Variants in C1QTNF1 observed in about 807,000 individuals in gnomAD.
C1QTNF1 encodes complement C1q tumor necrosis factor-related protein 1.
Under a neutral mutation model 27.8 loss-of-function variants are expected in C1QTNF1, and 22 were observed. The ratio of observed to expected loss-of-function variants is 0.79; its 90% CI spans 0.56 to 1.13. The LOEUF (loss-of-function observed/expected upper bound fraction) is 1.13, where lower values mean the gene tolerates loss of function less well. C1QTNF1 is among the 50% of genes most tolerant of loss of function. The probability of loss-of-function intolerance (pLI) is 0.00; values close to 1 mark genes in which losing one functional copy is unlikely to be tolerated. For synonymous variants in C1QTNF1, 166 were observed against 154.3 expected, an observed-to-expected ratio of 1.08 and a Z score of -0.56; for missense variants, 373 against 380.2, an observed-to-expected ratio of 0.98 and a Z score of 0.16.
chr17:79,037,725 G>A (rs1197156411), intron 1 of C1QTNF1, among the ~76,000 whole-genome samples: 1 of 152,168 alleles, frequency 6.6e-6, no homozygotes, highest in African/African-American at 2.4e-5. Context: ...CTAGAGTGCA[G>A]TGGTGCGATC....
At chr17:79,030,316 GTT>G (rs1491506352) in intron 1 of C1QTNF1, among the ~76,000 whole-genome samples, 31 of 133,530 alleles carry the variant, frequency 2.3e-4, no homozygotes, top group East Asian at 2.1e-3. Flanking sequence ...GGTCTTTGTG[GTT>G]TTGTGTGTGT....
At position 79,047,953 on chromosome 17, in the gene C1QTNF1, G is replaced by T. The variant is rs2072640779; in HGVS notation, c.711G>T (p.Met237Ile). ...DRSIMQSQSL[M>I]LELREQDQVW... ...GCATCATGCAAAGCCAGAGCCTGAT[G>T]CTGGAGCTGCGAGAGCAGGACCAGG... Residue 237 changes from methionine to isoleucine, a missense_variant, in exon 4 of 4, where the codon ATG (methionine) becomes ATT (isoleucine). Met to Ile is a conservative substitution (Grantham distance 10, BLOSUM62 1). Transcript: ENST00000579760. 1 of 1,613,974 alleles carries T rather than the reference G, an allele frequency of 6.2e-7. No individual in the cohort carries two copies. Among genetic ancestry groups the T allele is most frequent in the East Asian group, 2.2e-5 (1 of 44,876 alleles).
chr17:79,042,859 G>A (rs555492007), intron 1 of C1QTNF1, among the ~76,000 whole-genome samples: 10 of 152,358 alleles, frequency 6.6e-5, no homozygotes, highest in Non-Finnish European at 1.2e-4. Flanking sequence ...ACATGTGAGC[G>A]CATGTGTGCA....
At chr17:79,028,595 G>C (rs947311683) in intron 1 of C1QTNF1, among the ~76,000 whole-genome samples, 43 of 152,208 alleles carry the variant, frequency 2.8e-4, no homozygotes, top group African/African-American at 9.9e-4. Context: ...ATTCAGGGGA[G>C]CCCCCTCCTC....
chr17:79,045,606 G>A (rs576783168), intron 2 of C1QTNF1, among the ~76,000 whole-genome samples: 10 of 152,306 alleles, frequency 6.6e-5, no homozygotes, highest in East Asian at 1.9e-4. Context: ...GGGGGTTGGC[G>A]GAGGGAGTCG....
intron 1 of C1QTNF1, chr17:79,041,879 G>A (rs56714624): frequency 6.6e-6 from 1 of 151,884 alleles, no homozygotes. Flanking sequence ...TGAGTAAGAC[G>A]TCGCGGTCAT....
chr17:79,043,556 T>C, intron 1 of C1QTNF1: 1 of 434,596 alleles, frequency 2.3e-6, no homozygotes, highest in Non-Finnish European at 4.6e-6. Flanking sequence ...AGACTGTGCA[T>C]GTGTATTGTG....
upstream of C1QTNF1, among the ~76,000 whole-genome samples, chr17:79,023,704 GCACA>G (rs5822269): frequency 8.8e-3 from 1,272 of 144,592 alleles, 7 homozygotes; most frequent in Non-Finnish European, 0.012. Context: ...GCGCGCGCGC[GCACA>G]CACACACACA....
intron 1 of C1QTNF1, chr17:79,024,780 A>G (rs1249688196): frequency 6.6e-6 from 1 of 152,306 alleles, no homozygotes; most frequent in African/African-American, 2.4e-5. Context: ...GCACGTGGAT[A>G]CTAACGGGAG....
intron 1 of C1QTNF1, among the ~76,000 whole-genome samples, chr17:79,039,632 G>A (rs2072349503): frequency 1.3e-5 from 2 of 151,392 alleles, no homozygotes; most frequent in South Asian, 4.2e-4. Flanking sequence ...CAGCCTGGGT[G>A]ACAGAGCGAG....
Position 79,048,131 on chromosome 17 carries a change from C to G in C1QTNF1, c.*43C>G, listed in dbSNP as rs747182827. 1.3e-6 allele frequency: 2 copies of G among 1,489,464 alleles called. No individual in the cohort carries two copies. Among genetic ancestry groups the G allele is most frequent in the Non-Finnish European group, 1.8e-6 (2 of 1,125,692 alleles). 92.3% of individuals were successfully genotyped at this position (1,489,464 alleles called of 1,614,324 possible). On this transcript the variant is annotated 3_prime_UTR_variant, in exon 4 of 4. Coordinates refer to ENST00000579760, the MANE Select transcript of C1QTNF1 (RefSeq NM_030968.5). ...TTCCTCTCGCCACCTTCCACCCCTGCGCTGTGCTGACCCCACCGCCTCTTC... is the reference window on the plus strand; with the variant it reads ...TTCCTCTCGCCACCTTCCACCCCTGGGCTGTGCTGACCCCACCGCCTCTTC...
At chr17:79,028,911 T>TGTGC (rs1555669710) in intron 1 of C1QTNF1, among the ~76,000 whole-genome samples, 2 of 148,142 alleles carry the variant, frequency 1.4e-5, no homozygotes, top group Non-Finnish European at 3.0e-5. Context: ...TGTGTGTGTG[T>TGTGC]GCATGCACGC....
intron 1 of C1QTNF1, among the ~76,000 whole-genome samples, chr17:79,040,152 ACT>A (rs2145914236): frequency 6.6e-6 from 1 of 152,254 alleles, no homozygotes; most frequent in African/African-American, 2.4e-5. Context: ...GGCTAGACAA[ACT>A]CTCTGCAGTA....
chr17:79,047,900 A>T lies in C1QTNF1; in HGVS notation c.658A>T (p.Ile220Phe), dbSNP rs777335662. The T allele has an allele frequency of 1.9e-6, 3 of 1,614,126 alleles. No homozygotes were observed. In the East Asian group the frequency reaches 6.7e-5, roughly 36 times the overall value. ...CATGAAGAACGAGGAGGAGGTGGTG[A>T]TCTTGTTCGCGCAGGTGGGCGACCG... ...HIMKNEEEVV[I>F]LFAQVGDRSI... Residue 220 changes from isoleucine to phenylalanine, a missense_variant, in exon 4 of 4, where the codon ATC becomes TTC. Physicochemically the swap from Ile to Phe is conservative, Grantham distance 21. Coordinates refer to ENST00000579760, the MANE Select transcript of C1QTNF1 (RefSeq NM_030968.5).
At chr17:79,023,704 G>GCGCGCGCACACACACACACA (rs1267428917), upstream of C1QTNF1, among the ~76,000 whole-genome samples, 108 of 145,022 alleles carry the variant, frequency 7.4e-4, 1 homozygote, top group East Asian at 7.2e-3. Flanking sequence ...GCGCGCGCGC[G>GCGCGCGCACACACACACACA]CACACACACA....
At chr17:79,045,241 G>C (rs2072537461) in intron 2 of C1QTNF1, among the ~76,000 whole-genome samples, 1 of 152,096 alleles carries the variant, frequency 6.6e-6, no homozygotes, top group Non-Finnish European at 1.5e-5. Context: ...GGCATGGCTG[G>C]TGGTGTTTGT....
intron 1 of C1QTNF1, chr17:79,034,457 T>C (rs887934138): frequency 2.0e-5 from 3 of 152,356 alleles, no homozygotes; most frequent in African/African-American, 7.2e-5. Context: ...GAAGGCCCGA[T>C]GCCTGACGGC....
chr17:79,023,087 A>C (rs2071819582), upstream of C1QTNF1: 1 of 152,296 alleles, frequency 6.6e-6, no homozygotes, highest in Non-Finnish European at 1.5e-5. Context: ...AGGCAGGGAA[A>C]GGTGAGGCCT....
chr17:79,047,443 T>G, intron 3 of C1QTNF1, 95 bp from the exon 4 acceptor site: 1 of 1,296,008 alleles, frequency 7.7e-7, no homozygotes, highest in Middle Eastern at 2.8e-4. Flanking sequence ...TGAGGACGAA[T>G]CAGGACAGCG....
Sources: gnomAD v4.1 joint callset for allele counts (sites outside exome capture counted in the v4.1 genomes callset) on GRCh38, gnomAD v4.1.1 for gene constraint, MANE v1.5 for transcripts, NCBI Gene and HGNC (gene_info 2026-07-23, HGNC 2026-07-21) for gene names.